LCORL: variants seen among roughly 807,000 people sequenced by gnomAD.
LCORL encodes ligand dependent nuclear receptor corepressor like.
Under a neutral mutation model 141.8 loss-of-function variants are expected in LCORL, and 41 were observed. That is an observed-to-expected ratio of 0.29 (90% confidence interval 0.23 to 0.38). The LOEUF (loss-of-function observed/expected upper bound fraction) is 0.38. Ranked by LOEUF, LCORL falls within the 10% of genes least tolerant of loss-of-function variation. LCORL has a pLI of 1.00. For missense variants in LCORL, 1,759 were observed against 2,035.0 expected, an observed-to-expected ratio of 0.86 and a Z score of 2.61; for synonymous variants, 618 against 694.1, an observed-to-expected ratio of 0.89 and a Z score of 1.72.
chr4:17,935,999 T>C (rs998247116), intron 4 of LCORL, among the ~76,000 whole-genome samples: 1 of 152,102 alleles, frequency 6.6e-6, no homozygotes, highest in African/African-American at 2.4e-5. Context: ...TCTCCAGAAA[T>C]AAATAAGAGT....
intron 4 of LCORL, among the ~76,000 whole-genome samples, chr4:17,937,473 T>C (rs1191554221): frequency 1.3e-5 from 2 of 152,184 alleles, no homozygotes; most frequent in East Asian, 3.8e-4. Flanking sequence ...AATATAAGAA[T>C]AGCAATAATC....
At chr4:17,899,775 G>C (rs1040162145) in intron 5 of LCORL, among the ~76,000 whole-genome samples, 2 of 152,126 alleles carry the variant, frequency 1.3e-5, no homozygotes, top group African/African-American at 4.8e-5. Flanking sequence ...GAAACCCACA[G>C]GGTTGGTGAT....
chr4:18,019,467 T>C (rs1421961608), intron 1 of LCORL, among the ~76,000 whole-genome samples: 1 of 152,216 alleles, frequency 6.6e-6, no homozygotes, highest in Non-Finnish European at 1.5e-5. Context: ...TACGATACAA[T>C]GTAATCACAT....
chr4:17,893,884 T>C lies in LCORL; in HGVS notation c.683-7723A>G, dbSNP rs145253809. Among the ~76,000 whole-genome samples the C allele has an allele frequency of 1.9e-3, 294 of 152,282 alleles. 5 individuals are homozygous for C. In the East Asian group the frequency reaches 0.039, roughly 20 times the overall value. ...CATGAACTTGGCTCACTGCAACCTC[T>C]GCCTCCTGGGTTCAAGCGATTCTCC... On this transcript the variant is annotated intron_variant, in intron 5 of 7. Transcript: ENST00000635767.
intron 1 of LCORL, among the ~76,000 whole-genome samples, chr4:17,983,559 C>A (rs1280680717): frequency 6.6e-6 from 1 of 151,980 alleles, no homozygotes; most frequent in Non-Finnish European, 1.5e-5. Flanking sequence ...TGATTTGGCT[C>A]TCGGCTTGCT....
intron 4 of LCORL, among the ~76,000 whole-genome samples, chr4:17,958,269 G>A (rs1713075077): frequency 6.6e-6 from 1 of 151,624 alleles, no homozygotes; most frequent in Admixed American, 6.6e-5. Flanking sequence ...TGAATGCTAA[G>A]CATGTGTGGG....
At chr4:18,006,617 G>A (rs1372065993) in intron 1 of LCORL, among the ~76,000 whole-genome samples, 1 of 152,158 alleles carries the variant, frequency 6.6e-6, no homozygotes, top group Non-Finnish European at 1.5e-5. Context: ...AAAGTGAAAG[G>A]CACATCTCAG....
At chr4:17,908,099 C>T (rs935776041) in intron 5 of LCORL, among the ~76,000 whole-genome samples, 1 of 151,988 alleles carries the variant, frequency 6.6e-6, no homozygotes, top group African/African-American at 2.4e-5. Context: ...ATGGTATGAT[C>T]TCGGCTCACG....
intron 4 of LCORL, among the ~76,000 whole-genome samples, chr4:17,938,280 T>C (rs1737211209): frequency 6.6e-6 from 1 of 152,130 alleles, no homozygotes; most frequent in African/African-American, 2.4e-5. Context: ...GTGCTGGGAT[T>C]ACAGGCATGA....
At chr4:17,942,412 T>C (rs1410917280) in intron 4 of LCORL, among the ~76,000 whole-genome samples, 1 of 152,196 alleles carries the variant, frequency 6.6e-6, no homozygotes, top group Non-Finnish European at 1.5e-5. Flanking sequence ...ACTATTGCTC[T>C]ATTTTATCTA....
intron 5 of LCORL, among the ~76,000 whole-genome samples, chr4:17,905,308 C>T (rs908576618): frequency 6.6e-6 from 1 of 151,838 alleles, no homozygotes; most frequent in Non-Finnish European, 1.5e-5. Context: ...TGTAGAATAA[C>T]TTTTTTTGTA....
At chr4:17,885,979 A>C in intron 6 of LCORL, 89 bp downstream of exon 6, 1 of 586,348 alleles carries the variant, frequency 1.7e-6, no homozygotes, top group Non-Finnish European at 2.8e-6. Context: ...AAAACTATAT[A>C]CGTCAATACT....
At chr4:17,920,388 AAATTTCTAAC>A (rs1734095852) in intron 4 of LCORL, among the ~76,000 whole-genome samples, 1 of 152,238 alleles carries the variant, frequency 6.6e-6, no homozygotes, top group Non-Finnish European at 1.5e-5. Flanking sequence ...TTATTGTTAA[AAATTTCTAAC>A]AATCATCTCA....
intron 7 of LCORL, among the ~76,000 whole-genome samples, chr4:17,850,975 G>C (rs2109099857): frequency 6.7e-6 from 1 of 149,922 alleles, no homozygotes. Flanking sequence ...CATGTCCTTT[G>C]TAGGGACATG....
At chr4:17,961,913 A>T (rs770109145) in exon 4 of LCORL, 1 of 1,608,624 alleles carries the variant, frequency 6.2e-7, no homozygotes, top group Admixed American at 1.7e-5. Context: ...CTTTCTTTCG[A>T]AAGAGTGCAT....
chr4:17,991,989 G>C (rs1429444576), intron 1 of LCORL, among the ~76,000 whole-genome samples: 2 of 152,070 alleles, frequency 1.3e-5, no homozygotes, highest in African/African-American at 4.8e-5. Flanking sequence ...GGGGAGCAGA[G>C]GTAAAACCTT....
At chr4:17,970,798 C>T (rs904881929) in intron 2 of LCORL, among the ~76,000 whole-genome samples, 1 of 152,152 alleles carries the variant, frequency 6.6e-6, no homozygotes, top group Non-Finnish European at 1.5e-5. Context: ...TATATTCTTG[C>T]AAGATCCCAT....
chr4:17,924,144 G>A (rs1406496289), intron 4 of LCORL, among the ~76,000 whole-genome samples: 1 of 152,138 alleles, frequency 6.6e-6, no homozygotes, highest in Non-Finnish European at 1.5e-5. Flanking sequence ...GAAAGATGTT[G>A]TGTGGCTGGA....
At chr4:17,916,184 C>T (rs1733373103) in intron 4 of LCORL, among the ~76,000 whole-genome samples, 2 of 152,178 alleles carry the variant, frequency 1.3e-5, no homozygotes, top group Admixed American at 1.3e-4. Flanking sequence ...TGTTTTCTTA[C>T]ACACTGTTAC....
Sources: allele counts gnomAD v4.1 joint callset (sites outside exome capture counted in the v4.1 genomes callset), GRCh38; gene constraint gnomAD v4.1.1; transcripts MANE v1.5; gene names NCBI Gene and HGNC (gene_info 2026-07-23, HGNC 2026-07-21).